The following KCNQ5 variants were observed in gnomAD, a reference collection of about 807,000 sequenced individuals.
The protein encoded by KCNQ5 is potassium voltage-gated channel subfamily Q member 5.
KCNQ5 carries 30 observed loss-of-function variants against 98.2 expected under a neutral mutation model. The observed-to-expected ratio is 0.31, with a 90% confidence interval of 0.23 to 0.41. KCNQ5 has a LOEUF of 0.41. KCNQ5 is among the 10% of genes least tolerant of loss of function. The pLI is 1.00. For missense variants in KCNQ5, 835 were observed against 1,182.5 expected, an observed-to-expected ratio of 0.71 and a Z score of 4.31; for synonymous variants, 458 against 449.4, an observed-to-expected ratio of 1.02 and a Z score of -0.24.
At chr6:73,061,764 T>A (rs1323736767) in intron 3 of KCNQ5, among the ~76,000 whole-genome samples, 1 of 152,140 alleles carries the variant, frequency 6.6e-6, no homozygotes, top group Non-Finnish European at 1.5e-5. Context: ...GAAGATGCAA[T>A]GAGATGATAC....
At chr6:72,992,820 G>C (rs1769108533) in intron 1 of KCNQ5, among the ~76,000 whole-genome samples, 1 of 108,824 alleles carries the variant, frequency 9.2e-6, no homozygotes, top group Non-Finnish European at 1.8e-5. Context: ...TCCATGTTTA[G>C]CGCTTCCTTC....
At chr6:72,685,234 T>C (rs1298015523) in intron 1 of KCNQ5, among the ~76,000 whole-genome samples, 1 of 152,226 alleles carries the variant, frequency 6.6e-6, no homozygotes, top group Non-Finnish European at 1.5e-5. Flanking sequence ...CCTAATTCAA[T>C]GGTTTCTGTC....
chr6:72,852,662 A>ATATATATATATATATATAT (rs1389810749), intron 1 of KCNQ5, among the ~76,000 whole-genome samples: 1 of 38,346 alleles, frequency 2.6e-5, no homozygotes, highest in African/African-American at 1.2e-4. Flanking sequence ...TATATATATA[A>ATATATATATATATATATAT]ATGGCACTTA....
intron 1 of KCNQ5, among the ~76,000 whole-genome samples, chr6:72,726,460 G>A (rs1159277933): frequency 6.6e-6 from 1 of 151,974 alleles, no homozygotes; most frequent in African/African-American, 2.4e-5. Context: ...TGATCCGCCC[G>A]CCTCGGCCTC....
intron 1 of KCNQ5, among the ~76,000 whole-genome samples, chr6:72,664,934 G>T (rs542138136): frequency 8.5e-5 from 13 of 152,264 alleles, no homozygotes; most frequent in African/African-American, 3.1e-4. Flanking sequence ...TTGAATTCCC[G>T]ATAACAAAGT....
At chr6:72,964,832 G>A (rs1485908562) in intron 1 of KCNQ5, among the ~76,000 whole-genome samples, 1 of 152,084 alleles carries the variant, frequency 6.6e-6, no homozygotes, top group Admixed American at 6.5e-5. Flanking sequence ...GTTCTCAACT[G>A]AGTTTGAACA....
At chr6:73,133,045 C>T (rs1776297303) in intron 9 of KCNQ5, among the ~76,000 whole-genome samples, 1 of 152,112 alleles carries the variant, frequency 6.6e-6, no homozygotes. Flanking sequence ...TGCTCCCAAA[C>T]AAAAAATAAT....
intron 1 of KCNQ5, among the ~76,000 whole-genome samples, chr6:72,715,873 A>G (rs949150503): frequency 6.6e-6 from 1 of 152,156 alleles, no homozygotes; most frequent in Non-Finnish European, 1.5e-5. Context: ...ATCTACATAT[A>G]ATAATTTTCC....
At chr6:73,034,932 G>C (rs1041465101) in intron 2 of KCNQ5, among the ~76,000 whole-genome samples, 1 of 143,044 alleles carries the variant, frequency 7.0e-6, no homozygotes, top group Non-Finnish European at 1.5e-5. Flanking sequence ...TGCAAGCTCC[G>C]CCTCCCGGGT....
At chr6:73,002,472 A>G (rs997309906) in intron 1 of KCNQ5, among the ~76,000 whole-genome samples, 2 of 152,222 alleles carry the variant, frequency 1.3e-5, no homozygotes, top group Non-Finnish European at 2.9e-5. Context: ...TTCTGGGGAT[A>G]ACATAGAGAT....
chr6:72,974,345 T>C (rs984012688), intron 1 of KCNQ5, among the ~76,000 whole-genome samples: 1 of 150,504 alleles, frequency 6.6e-6, no homozygotes, highest in Non-Finnish European at 1.5e-5. Flanking sequence ...TAAATCTTTC[T>C]CTCTTCCCTT....
chr6:72,974,951 G>T (rs1489250192), intron 1 of KCNQ5, among the ~76,000 whole-genome samples: 1 of 151,960 alleles, frequency 6.6e-6, no homozygotes, highest in Non-Finnish European at 1.5e-5. Flanking sequence ...TGCCCAGGCT[G>T]GTCTCAAACT....
chr6:73,059,179 G>A (rs1030159404), intron 3 of KCNQ5, among the ~76,000 whole-genome samples: 4 of 152,134 alleles, frequency 2.6e-5, no homozygotes, highest in Non-Finnish European at 5.9e-5. Flanking sequence ...CCCATTGATG[G>A]TGGATTGGAT....
chr6:72,909,166 G>T (rs1369089899), intron 1 of KCNQ5, among the ~76,000 whole-genome samples: 2 of 152,110 alleles, frequency 1.3e-5, no homozygotes, highest in African/African-American at 4.8e-5. Flanking sequence ...TCACTTGAAA[G>T]AAAAATGTAG....
chr6:73,181,334 A>G (rs1234974523), intron 11 of KCNQ5, among the ~76,000 whole-genome samples: 1 of 152,226 alleles, frequency 6.6e-6, no homozygotes, highest in African/African-American at 2.4e-5. Context: ...TTGCTGCTGT[A>G]TTAATCCCAG....
chr6:72,738,347 C>T (rs1436139882), intron 1 of KCNQ5, among the ~76,000 whole-genome samples: 1 of 151,990 alleles, frequency 6.6e-6, no homozygotes, highest in African/African-American at 2.4e-5. Context: ...TTCCCAGAGA[C>T]TTCATTATAG....
At chr6:72,680,349 G>T (rs748212859) in intron 1 of KCNQ5, among the ~76,000 whole-genome samples, 5 of 152,270 alleles carry the variant, frequency 3.3e-5, no homozygotes, top group Admixed American at 1.3e-4. Flanking sequence ...GGTGTAGCAT[G>T]TATGAATATT....
chr6:72,884,430 A>G (rs906096871), intron 1 of KCNQ5, among the ~76,000 whole-genome samples: 2 of 152,240 alleles, frequency 1.3e-5, no homozygotes, highest in Admixed American at 1.3e-4. Context: ...AGTCATCATA[A>G]TAGAGCATTC....
intron 1 of KCNQ5, among the ~76,000 whole-genome samples, chr6:72,838,702 G>C (rs1009610945): frequency 6.6e-6 from 1 of 152,070 alleles, no homozygotes; most frequent in South Asian, 2.1e-4. Flanking sequence ...TGTAATCCCA[G>C]CACTTTGGGA....
Sources: gnomAD v4.1 joint callset for allele counts (sites outside exome capture counted in the v4.1 genomes callset) on GRCh38, gnomAD v4.1.1 for gene constraint, MANE v1.5 for transcripts, NCBI Gene and HGNC (gene_info 2026-07-23, HGNC 2026-07-21) for gene names.